Variants in RNF144B observed in about 807,000 individuals in gnomAD.
RNF144B encodes the protein E3 ubiquitin-protein ligase RNF144B.
RNF144B carries 25 observed loss-of-function variants against 40.2 expected under a neutral mutation model. The observed-to-expected ratio is 0.62, with a 90% CI of 0.45 to 0.87. RNF144B has a LOEUF of 0.87. Ranked by LOEUF, RNF144B falls within the 40% of genes least tolerant of loss-of-function variation. The probability of loss-of-function intolerance (pLI) is 0.00; values close to 1 mark genes in which losing one functional copy is unlikely to be tolerated. For missense variants in RNF144B, 365 were observed against 373.7 expected, an observed-to-expected ratio of 0.98 and a Z score of 0.19; for synonymous variants, 145 against 136.3, an observed-to-expected ratio of 1.06 and a Z score of -0.44.
chr6:18,437,614 C>T (rs1014495076), intron 3 of RNF144B, among the ~76,000 whole-genome samples: 12 of 152,254 alleles, frequency 7.9e-5, no homozygotes, highest in East Asian at 1.9e-4. Context: ...AGTAAGTCTT[C>T]GTTCCATACA....
rs1043740575 is a variant in RNF144B, at chr6:18,448,201, T to C, written c.331+8457T>C. Among the ~76,000 whole-genome samples the C allele has an allele frequency of 1.3e-5, 2 of 151,990 alleles. No homozygotes were observed. The highest frequency in any genetic ancestry group is 4.8e-5 in the African/African-American group (2 of 41,396). On this transcript the variant is annotated intron_variant, in intron 4 of 7. Coordinates refer to ENST00000259939, the MANE Select transcript of RNF144B (RefSeq NM_182757.4). This position sits in a 1 kb window ranked among gnomAD's most constrained non-coding sequence, Gnocchi z 4.0. ...GAACTTATGATCCAGCAGAAAGGGA[T>C]GATACAGGAGAGGGAGGGGGGAGGT...
chr6:18,403,594 C>T lies in RNF144B; in HGVS notation c.165+3895C>T, dbSNP rs545354080. ...TTAAAAAGTGAGAGGAAATATAAAA[C>T]ATTTTAGACCAAGCCGTTCTTTCCC... On this transcript the variant is annotated intron_variant, in intron 2 of 7. Coordinates refer to ENST00000259939, the MANE Select transcript of RNF144B (RefSeq NM_182757.4). 4.6e-5 allele frequency among the ~76,000 whole-genome samples: 7 copies of T among 152,248 alleles called. No individual in the cohort carries two copies. The East Asian group carries it at 1.4e-3, about 29-fold the overall frequency.
At position 18,450,992 on chromosome 6, in the gene RNF144B, G is replaced by A. The variant is rs1759198160; in HGVS notation, c.332-6163G>A. On this transcript the variant is annotated intron_variant, in intron 4 of 7. Coordinates refer to ENST00000259939, the MANE Select transcript of RNF144B (RefSeq NM_182757.4). This position sits in a 1 kb window ranked among gnomAD's most constrained non-coding sequence, Gnocchi z 4.7. ...CCCCTGTTTTTAGAGTTGATTAAAG[G>A]GGAAACTACATTTGGATATTTGGAT... Among the ~76,000 whole-genome samples, 1 of 152,072 alleles carries A rather than the reference G, an allele frequency of 6.6e-6. No homozygotes were observed. The highest frequency in any genetic ancestry group is 2.4e-5 in the African/African-American group (1 of 41,386).
rs149424652 is a variant in RNF144B, at chr6:18,464,182, A to G, written c.772-745A>G. On this transcript the variant is annotated intron_variant, in intron 7 of 7. Coordinates refer to ENST00000259939, the MANE Select transcript of RNF144B (RefSeq NM_182757.4). The surrounding 1 kb of genome is among the most constrained non-coding windows in gnomAD (Gnocchi z 6.1). ...CAAAAGGAGTCATGGTTTATTTTTA[A>G]TTTTTAATAGTGTTTTATATTTATT... Among the ~76,000 whole-genome samples the G allele has an allele frequency of 2.0e-5, 3 of 152,230 alleles. No homozygotes were observed. Among genetic ancestry groups the G allele is most frequent in the Non-Finnish European group, 4.4e-5 (3 of 68,020 alleles).
At chr6:18,429,028 A>C (rs879532109) in intron 3 of RNF144B, among the ~76,000 whole-genome samples, 3 of 152,052 alleles carry the variant, frequency 2.0e-5, no homozygotes, top group Non-Finnish European at 2.9e-5. Context: ...CCCCATATCT[A>C]CAAAAATAAA....
rs562885864 is a variant in RNF144B, at chr6:18,442,622, A to C, written c.331+2878A>C. 1.3e-5 allele frequency among the ~76,000 whole-genome samples: 2 copies of C among 152,342 alleles called. No homozygotes were observed. Among genetic ancestry groups the C allele is most frequent in the South Asian group, 4.1e-4 (2 of 4,828 alleles). On this transcript the variant is annotated intron_variant, in intron 4 of 7. Coordinates refer to ENST00000259939, the MANE Select transcript of RNF144B (RefSeq NM_182757.4). The surrounding 1 kb of genome is among the most constrained non-coding windows in gnomAD (Gnocchi z 4.3). ...CAATTCAGTGACATTAATTACATTC[A>C]TACAGTTGTGCAGCCATCACCACTG...
chr6:18,428,004 C>T (rs182913905), intron 3 of RNF144B, among the ~76,000 whole-genome samples: 329 of 152,192 alleles, frequency 2.2e-3, no homozygotes, highest in Non-Finnish European at 3.8e-3. Flanking sequence ...CCAAATCTCA[C>T]CTTGAATTGT....
Position 18,462,545 on chromosome 6 carries a change from C to T in RNF144B, c.682-746C>T, listed in dbSNP as rs551048520. The stretch of plus-strand genomic sequence containing the variant: ...AGTCTCTTCTATGGTTTCTTCTACC[C>T]CATGTACACCGATGCCCAGTTGAGT... On this transcript the variant is annotated intron_variant, in intron 6 of 7. Transcript: ENST00000259939. 8.7e-4 allele frequency among the ~76,000 whole-genome samples: 133 copies of T among 152,276 alleles called. No homozygotes were observed. The Middle Eastern group carries it at 0.017, about 19-fold the overall frequency.
chr6:18,453,013 C>G (rs1461174159), intron 4 of RNF144B, among the ~76,000 whole-genome samples: 2 of 151,964 alleles, frequency 1.3e-5, no homozygotes, highest in Non-Finnish European at 2.9e-5. Context: ...TCTTGAATTC[C>G]TGGGCTAATG....
In RNF144B at chr6:18,396,527, T is replaced by C. The variant is rs1022621021; in HGVS notation, c.-36-2972T>C. ...GCTATTCACACCAGCTTTCTCCACA[T>C]GGCTAAGTGTATTTGACATTTGGGG... On this transcript the variant is annotated intron_variant, in intron 1 of 7. Transcript: ENST00000259939. 4 of 985,278 alleles carry C rather than the reference T, an allele frequency of 4.1e-6. No individual in the cohort carries two copies. The African/African-American group carries it at 7.0e-5, about 17-fold the overall frequency. 61.0% of individuals were successfully genotyped at this position (985,278 alleles called of 1,614,324 possible). A position where few individuals can be genotyped will look rare whatever the true frequency, so the allele number is the denominator to read the frequency against.
In RNF144B at chr6:18,387,483, AGT is replaced by A; in HGVS notation, c.-181_-180del. The stretch of plus-strand genomic sequence containing the variant: ...CGCAAGTCCTGTTGCAGTCTTGCAA[AGT>A]GTAAAGCTGTCAGCCGCAGAGCACG... On this transcript the variant is annotated 5_prime_UTR_variant, in exon 1 of 8. Transcript: ENST00000259939. 1 of 1,285,014 alleles carries A rather than the reference AGT, an allele frequency of 7.8e-7. No homozygotes were observed. The highest frequency in any genetic ancestry group is 1.2e-5 in the South Asian group (1 of 80,616). The allele number at this position is 1,285,014 out of a possible 1,614,324, so 79.6% of individuals were successfully genotyped here.
chr6:18,407,582 TTTC>T (rs1794938920), intron 2 of RNF144B, among the ~76,000 whole-genome samples: 1 of 152,216 alleles, frequency 6.6e-6, no homozygotes, highest in Non-Finnish European at 1.5e-5. Flanking sequence ...TTATTGGAAA[TTTC>T]TAAATTGAAA....
intron 4 of RNF144B, among the ~76,000 whole-genome samples, chr6:18,454,543 C>T (rs1759284137): frequency 1.3e-5 from 2 of 152,180 alleles, no homozygotes; most frequent in Admixed American, 1.3e-4. Context: ...AAGTTTTCCT[C>T]CTTTTTCTTT....
In RNF144B at chr6:18,458,030, T is replaced by C. The variant is rs581282; in HGVS notation, c.536+671T>C. Among the ~76,000 whole-genome samples, 70,620 of 151,618 alleles carry C rather than the reference T, an allele frequency of 0.47. 16,718 individuals are homozygous for C. Among genetic ancestry groups the C allele is most frequent in the African/African-American group, 0.54 (22,224 of 41,324 alleles). ...TCGGCTCACTGCAACCACTGCCTCCTGGGTTCAAGCGATTCTCCTGCCTCA... is the reference window on the plus strand; with the variant it reads ...TCGGCTCACTGCAACCACTGCCTCCCGGGTTCAAGCGATTCTCCTGCCTCA... On this transcript the variant is annotated intron_variant, in intron 5 of 7. Coordinates refer to ENST00000259939, the MANE Select transcript of RNF144B (RefSeq NM_182757.4). This position sits in a 1 kb window ranked among gnomAD's most constrained non-coding sequence, Gnocchi z 4.8.
chr6:18,437,556 A>G (rs902984059), intron 3 of RNF144B, among the ~76,000 whole-genome samples: 3 of 152,206 alleles, frequency 2.0e-5, no homozygotes, highest in African/African-American at 7.2e-5. Flanking sequence ...AAGCAAAGTA[A>G]TTAACTTCTT....
rs541154814 is a variant in RNF144B, at chr6:18,458,954, C to T, written c.537-653C>T. Among the ~76,000 whole-genome samples, 28 of 152,144 alleles carry T rather than the reference C, an allele frequency of 1.8e-4. No homozygotes were observed. The highest frequency in any genetic ancestry group is 3.8e-4 in the Non-Finnish European group (26 of 68,026). ...GGGATGCTCAACCTGTAATAACTGT[C>T]TTATGACAATATGAGGTTATTGTTC... On this transcript the variant is annotated intron_variant, in intron 5 of 7. Transcript: ENST00000259939. This position sits in a 1 kb window ranked among gnomAD's most constrained non-coding sequence, Gnocchi z 4.8.
At chr6:18,392,050 A>G (rs1477451674) in intron 1 of RNF144B, among the ~76,000 whole-genome samples, 4 of 148,578 alleles carry the variant, frequency 2.7e-5, no homozygotes, top group African/African-American at 7.4e-5. Flanking sequence ...AAAAAAAAAA[A>G]AAAAAAAAAA....
At chr6:18,436,082 T>G (rs1758818603) in intron 3 of RNF144B, among the ~76,000 whole-genome samples, 1 of 151,562 alleles carries the variant, frequency 6.6e-6, no homozygotes, top group Non-Finnish European at 1.5e-5. Context: ...GTTAACATCA[T>G]CAATAATGAG....
chr6:18,415,274 G>A (rs1250115436), intron 2 of RNF144B, among the ~76,000 whole-genome samples: 7 of 152,076 alleles, frequency 4.6e-5, no homozygotes, highest in African/African-American at 9.7e-5. Context: ...AACAAAATAC[G>A]CGAGACTAGG....
Sources: gnomAD v4.1 joint callset for allele counts (sites outside exome capture counted in the v4.1 genomes callset) on GRCh38, gnomAD v4.1.1 for gene constraint, Gnocchi (gnomAD v3.1) non-coding constraint, MANE v1.5 for transcripts, NCBI Gene and HGNC (gene_info 2026-07-23, HGNC 2026-07-21) for gene names.